Variants in VAPA observed in about 807,000 individuals in gnomAD.
The protein encoded by VAPA is vesicle-associated membrane protein-associated protein A.
Under a neutral mutation model 25.6 loss-of-function variants are expected in VAPA, and 6 were observed. The ratio of observed to expected loss-of-function variants is 0.23; its 90% CI spans 0.13 to 0.46. The LOEUF is 0.46. Ranked by LOEUF, VAPA falls within the 20% of genes least tolerant of loss-of-function variation. The pLI is 0.99. For synonymous variants in VAPA, 112 were observed against 106.2 expected (o/e 1.05, Z -0.34); for missense variants, 244 against 302.1 (o/e 0.81, Z 1.43).
At chr18:9,933,579 C>A (rs531472701) in intron 2 of VAPA, among the ~76,000 whole-genome samples, 4 of 152,202 alleles carry the variant, frequency 2.6e-5, no homozygotes, top group Admixed American at 1.3e-4. Context: ...GCTTTGTTGC[C>A]CAGGTAGGAG....
chr18:9,948,507 A>G (rs1181302797), intron 4 of VAPA: 1 of 152,220 alleles, frequency 6.6e-6, no homozygotes, highest in East Asian at 1.9e-4. Flanking sequence ...TTTAAAAATA[A>G]TCAGTTGTCG....
chr18:9,946,475 A>G (rs945236257), intron 4 of VAPA, among the ~76,000 whole-genome samples: 1 of 146,460 alleles, frequency 6.8e-6, no homozygotes, highest in South Asian at 2.2e-4. Context: ...TTTTTGTGTG[A>G]TTTTTTTTTT....
chr18:9,935,180 C>T (rs1213854241), intron 2 of VAPA, among the ~76,000 whole-genome samples: 1 of 151,438 alleles, frequency 6.6e-6, no homozygotes, highest in Non-Finnish European at 1.5e-5. Context: ...TATATGGTTT[C>T]CTTGTGTACT....
intron 2 of VAPA, 105 bp downstream of exon 2, chr18:9,932,067 A>G: frequency 1.2e-6 from 1 of 836,486 alleles, no homozygotes; most frequent in Non-Finnish European, 1.8e-6. Flanking sequence ...TAATTCTTAT[A>G]TTATTCTGGT....
In VAPA at chr18:9,950,484, T is replaced by C. The variant is rs759512122; in HGVS notation, c.507T>C (p.Asp169=). Residue 169 remains aspartate (D), a synonymous_variant, in exon 5 of 6, where the codon GAT becomes GAC. Transcript: ENST00000400000. ...MPKPHSVSLN[D]TETRKLMEEC... ...AACCACACAGTGTTTCACTTAATGA[T>C]ACCGAAACAAGGAAACTAATGGAAG... 5 of 1,613,964 alleles carry C rather than the reference T, an allele frequency of 3.1e-6. No individual in the cohort carries two copies. Among genetic ancestry groups the C allele is most frequent in the Admixed American group, 1.7e-5 (1 of 60,002 alleles).
intron 1 of VAPA, among the ~76,000 whole-genome samples, chr18:9,931,168 A>G (rs1421176116): frequency 1.3e-5 from 2 of 152,198 alleles, no homozygotes; most frequent in Admixed American, 1.3e-4. Context: ...TGTTGTCTAA[A>G]TTAATCTGCA....
At position 9,955,419 on chromosome 18, in the gene VAPA, C is replaced by G. The variant is rs1475464531; in HGVS notation, c.*1208C>G. 1 of 152,172 alleles carries G rather than the reference C, an allele frequency of 6.6e-6. No individual in the cohort carries two copies. The highest frequency in any genetic ancestry group is 2.4e-5 in the African/African-American group (1 of 41,448). 9.4% of individuals were successfully genotyped at this position (152,172 alleles called of 1,614,324 possible). A position where few individuals can be genotyped will look rare whatever the true frequency, so the allele number is the denominator to read the frequency against. On this transcript the variant is annotated 3_prime_UTR_variant, in exon 6 of 6. Transcript: ENST00000400000. The stretch of plus-strand genomic sequence containing the variant: ...TAAGTATGCGTTACAGGGTTTGATA[C>G]TTTCCTGCACTTAGGTTTGTCCTAT...
intron 1 of VAPA, among the ~76,000 whole-genome samples, chr18:9,919,007 C>A (rs1207703826): frequency 6.6e-6 from 1 of 152,088 alleles, no homozygotes; most frequent in South Asian, 2.1e-4. Context: ...CTCAAGTGAT[C>A]CTCCTGAATA....
rs45483796 is a variant in VAPA, at chr18:9,936,049, T to G, written c.233-61T>G. 4 of 1,205,742 alleles carry G rather than the reference T, an allele frequency of 3.3e-6. No individual in the cohort carries two copies. The African/African-American group carries it at 4.6e-5, about 14-fold the overall frequency. The allele number at this position is 1,205,742 out of a possible 1,614,324, so 74.7% of individuals were successfully genotyped here. A position where few individuals can be genotyped will look rare whatever the true frequency, so the allele number is the denominator to read the frequency against. ...TAGTATAATTTAATCTGTAACTGTT[T>G]CAATGTATGTCTTTCAGACATGCAG... On this transcript the variant is annotated intron_variant, in intron 2 of 5. Transcript: ENST00000400000.
At position 9,959,566 on chromosome 18, in the gene VAPA, G is replaced by GT. The variant is rs1334940134; in HGVS notation, c.*5361dup. 6.6e-6 allele frequency: 1 copy of GT among 151,962 alleles called. No homozygotes were observed. Among genetic ancestry groups the GT allele is most frequent in the African/African-American group, 2.4e-5 (1 of 41,388 alleles). 9.4% of individuals were successfully genotyped at this position (151,962 alleles called of 1,614,324 possible). A position where few individuals can be genotyped will look rare whatever the true frequency, so the allele number is the denominator to read the frequency against. On this transcript the variant is annotated 3_prime_UTR_variant, in exon 6 of 6. Transcript: ENST00000400000. Reference sequence around the variant, plus strand: ...TTAAGATTTAATGATTAAAGCAAGAGTTTTTTATAATTGACTTTGTGGTCT... The same window carrying GT: ...TTAAGATTTAATGATTAAAGCAAGAGTTTTTTTATAATTGACTTTGTGGTCT...
At chr18:9,934,911 G>A (rs939320693) in intron 2 of VAPA, among the ~76,000 whole-genome samples, 1 of 151,720 alleles carries the variant, frequency 6.6e-6, no homozygotes, top group African/African-American at 2.4e-5. Context: ...TGGATAACAC[G>A]GTGAAACCCC....
At chr18:9,944,196 G>A (rs772209181) in intron 4 of VAPA, among the ~76,000 whole-genome samples, 7 of 152,126 alleles carry the variant, frequency 4.6e-5, no homozygotes, top group Admixed American at 1.3e-4. Context: ...TTTTTTAAAT[G>A]AAGACTGAGG....
chr18:9,932,952 C>G (rs1275991002), intron 2 of VAPA, among the ~76,000 whole-genome samples: 1 of 151,868 alleles, frequency 6.6e-6, no homozygotes, highest in Non-Finnish European at 1.5e-5. Context: ...ACTAAAAATA[C>G]AAAAAATTAG....
chr18:9,928,517 G>C (rs1167029570), intron 1 of VAPA, among the ~76,000 whole-genome samples: 1 of 152,000 alleles, frequency 6.6e-6, no homozygotes, highest in African/African-American at 2.4e-5. Context: ...AATCACCTAA[G>C]GCTTACAAAG....
chr18:9,930,343 C>G (rs2069241179), intron 1 of VAPA, among the ~76,000 whole-genome samples: 1 of 152,028 alleles, frequency 6.6e-6, no homozygotes, highest in African/African-American at 2.4e-5. Context: ...AAGTCCTAGT[C>G]AAAATAGTCC....
intron 5 of VAPA, among the ~76,000 whole-genome samples, chr18:9,951,514 T>C (rs1188168505): frequency 1.3e-5 from 2 of 152,250 alleles, no homozygotes; most frequent in Non-Finnish European, 2.9e-5. Flanking sequence ...TCACCATACA[T>C]GCATGTGGTA....
intron 2 of VAPA, among the ~76,000 whole-genome samples, chr18:9,933,840 A>T (rs2143350618): frequency 1.3e-5 from 2 of 152,322 alleles, no homozygotes; most frequent in East Asian, 3.9e-4. Context: ...GCCTGGCCAG[A>T]AGATATAATT....
intron 1 of VAPA, among the ~76,000 whole-genome samples, chr18:9,919,807 G>A (rs2069141711): frequency 6.6e-6 from 1 of 152,136 alleles, no homozygotes; most frequent in African/African-American, 2.4e-5. Flanking sequence ...AAGATGGAGG[G>A]AATCGAATAA....
chr18:9,938,773 T>C (rs1294058625), intron 4 of VAPA, among the ~76,000 whole-genome samples: 1 of 152,236 alleles, frequency 6.6e-6, no homozygotes, highest in Non-Finnish European at 1.5e-5. Context: ...CTAAAGATAA[T>C]TTTTAAGATT....
Sources: gnomAD v4.1 joint callset for allele counts (sites outside exome capture counted in the v4.1 genomes callset) on GRCh38, gnomAD v4.1.1 for gene constraint, MANE v1.5 for transcripts, NCBI Gene and HGNC (gene_info 2026-07-23, HGNC 2026-07-21) for gene names.